The following NPC1L1 variants were observed in gnomAD, a reference collection of about 807,000 sequenced individuals.
NPC1L1 encodes NPC1 like intracellular cholesterol transporter 1.
NPC1L1 carries 98 observed loss-of-function variants against 117.0 expected under a neutral mutation model. The ratio of observed to expected loss-of-function variants is 0.84; its 90% CI spans 0.71 to 0.99. NPC1L1 has a LOEUF of 0.99. Ranked by LOEUF, NPC1L1 falls within the 50% of genes least tolerant of loss-of-function variation. The pLI, the probability that NPC1L1 is intolerant of heterozygous loss-of-function variation, is 0.00. For missense variants in NPC1L1, 1,540 were observed against 1,710.0 expected, an observed-to-expected ratio of 0.90 and a Z score of 1.75; for synonymous variants, 729 against 727.6, an observed-to-expected ratio of 1.00 and a Z score of -0.03.
intron 14 of NPC1L1, among the ~76,000 whole-genome samples, chr7:44,518,378 C>G (rs909520805): frequency 6.6e-6 from 1 of 151,798 alleles, no homozygotes. Flanking sequence ...CCATGTTGGC[C>G]AGGCTGGTCT....
At chr7:44,533,957 G>A in intron 6 of NPC1L1, 104 bp from the exon 7 acceptor site, 3 of 887,864 alleles carry the variant, frequency 3.4e-6, no homozygotes, top group Non-Finnish European at 5.5e-6. Flanking sequence ...CCAGGCCTGA[G>A]GAGCTGCTCT....
intron 10 of NPC1L1, among the ~76,000 whole-genome samples, chr7:44,527,817 T>C (rs774528344): frequency 7.9e-5 from 12 of 152,208 alleles, no homozygotes; most frequent in South Asian, 4.1e-4. Context: ...TTTGGATACA[T>C]AATGCATAAA....
chr7:44,536,128 C>A lies in NPC1L1; in HGVS notation c.1854+128G>T. 1.9e-6 allele frequency: 3 copies of A among 1,541,164 alleles called. No individual in the cohort carries two copies. The highest frequency in any genetic ancestry group is 1.4e-5 in the African/African-American group (1 of 73,660). On this transcript the variant is annotated intron_variant, in intron 4 of 18. Coordinates refer to ENST00000381160, the MANE Select transcript of NPC1L1 (RefSeq NM_001101648.2). The surrounding 1 kb of genome is among the most constrained non-coding windows in gnomAD (Gnocchi z 4.7). ...GCTATAAGAACAGCCATCACAATCA[C>A]CCCGTTCTGAGCAGGCAGCCACTGC... is the stretch of plus-strand genomic sequence containing the variant.
Position 44,538,681 on chromosome 7 carries a change from C to T in NPC1L1, c.1580+136G>A. ...GGGCAGAGATAATCATCTGGGCGGC[C>T]CCAGGCCAGAGCCGTAGGAATAGCT... On this transcript the variant is annotated intron_variant, in intron 2 of 18. Coordinates refer to ENST00000381160, the MANE Select transcript of NPC1L1 (RefSeq NM_001101648.2). This position sits in a 1 kb window ranked among gnomAD's most constrained non-coding sequence, Gnocchi z 5.9. 1 of 891,640 alleles carries T rather than the reference C, an allele frequency of 1.1e-6. No individual in the cohort carries two copies. The highest frequency in any genetic ancestry group is 1.8e-6 in the Non-Finnish European group (1 of 547,598). 55.2% of individuals were successfully genotyped at this position (891,640 alleles called of 1,614,324 possible).
rs1365364417 is a variant in NPC1L1 at position 44,532,202 on chromosome 7, C to T, written c.2425G>A (p.Val809Ile). 4.3e-6 allele frequency: 7 copies of T among 1,613,696 alleles called. No homozygotes were observed. The highest frequency in any genetic ancestry group is 4.5e-5 in the East Asian group (2 of 44,888). Residue 809 changes from valine to isoleucine, a missense_variant, in exon 9 of 19, where the codon GTC becomes ATC. Transcript: ENST00000381160. ...TCCTGGGGCTTGACACAGCAGCAGA[C>T]GTCCAACCGGGAGGCCTGGAGTGGG... Reference protein sequence around the residue: ...SKRQEASRLDVCCCVKPQELP... With the variant: ...SKRQEASRLDICCCVKPQELP...
At chr7:44,541,136 G>T (rs1802090315) in intron 1 of NPC1L1, 70 bp downstream of exon 1, 1 of 1,503,680 alleles carries the variant, frequency 6.7e-7, no homozygotes, top group Admixed American at 2.0e-5. Context: ...ACGCTCGCCT[G>T]GTACACGGCT....
intron 10 of NPC1L1, among the ~76,000 whole-genome samples, chr7:44,528,364 C>A (rs1463300792): frequency 1.3e-5 from 2 of 152,172 alleles, no homozygotes; most frequent in African/African-American, 4.8e-5. Context: ...CTCCACCTCT[C>A]AAAGCATTGG....
At position 44,539,492 on chromosome 7, in the gene NPC1L1, A is replaced by G. The variant is rs1192129921; in HGVS notation, c.905T>C (p.Leu302Pro). The G allele has an allele frequency of 6.2e-7, 1 of 1,613,676 alleles. No homozygotes were observed. The highest frequency in any genetic ancestry group is 1.3e-5 in the African/African-American group (1 of 74,918). ...GGCGGGGGCCACACGGAATCCCACA[A>G]GCAGGATGGTGACCACAGCGAAGAC... ...CSVFAVVTIL[L>P]VGFRVAPARD... Residue 302 changes from leucine to proline, a missense_variant, in exon 2 of 19, where the codon CTT becomes CCT. Leu to Pro is a moderately conservative substitution (Grantham distance 98). Around this residue, in one of 3 missense-constraint regions of NPC1L1, gnomAD observed 793 missense variants for 820.4 expected, o/e 0.97. Transcript: ENST00000381160. This position sits in a 1 kb window ranked among gnomAD's most constrained non-coding sequence, Gnocchi z 4.4.
At chr7:44,514,561 G>A (rs569973569) in intron 18 of NPC1L1, among the ~76,000 whole-genome samples, 6 of 152,180 alleles carry the variant, frequency 3.9e-5, no homozygotes, top group East Asian at 1.9e-4. Flanking sequence ...CCAGCTACTC[G>A]AGAGGCTGAG....
chr7:44,540,494 G>A (rs1021039667), intron 1 of NPC1L1, 152 bp from the exon 2 acceptor site: 5 of 732,730 alleles, frequency 6.8e-6, no homozygotes, highest in African/African-American at 3.5e-5. Context: ...CTGGAGGCAT[G>A]TGCCAGCCAG....
At chr7:44,518,367 A>G (rs1398865664) in intron 14 of NPC1L1, among the ~76,000 whole-genome samples, 1 of 151,514 alleles carries the variant, frequency 6.6e-6, no homozygotes, top group East Asian at 2.0e-4. Flanking sequence ...ACAGGGTTTC[A>G]CCATGTTGGC....
intron 10 of NPC1L1, among the ~76,000 whole-genome samples, chr7:44,527,022 C>G (rs1801538360): frequency 6.6e-6 from 1 of 151,292 alleles, no homozygotes; most frequent in Admixed American, 6.6e-5. Context: ...GAAACTCCAT[C>G]TCAAAATAAA....
intron 10 of NPC1L1, among the ~76,000 whole-genome samples, chr7:44,527,461 CAAAAAAAAAA>C (rs1160435212): frequency 0.047 from 1,906 of 40,182 alleles, 80 homozygotes; most frequent in African/African-American, 0.15. Context: ...AACAACTTCT[CAAAAAAAAAA>C]AAAAAAAAAA....
rs750811960 is a variant in NPC1L1, at chr7:44,518,662, T to C, written c.3137-1305A>G. The C allele has an allele frequency of 2.7e-4, 317 of 1,168,038 alleles. 1 individual carries two copies. Among genetic ancestry groups the C allele is most frequent in the Middle Eastern group, 1.7e-3 (7 of 4,010 alleles). The allele number at this position is 1,168,038 out of a possible 1,614,324, so 72.4% of individuals were successfully genotyped here. On this transcript the variant is annotated intron_variant, in intron 14 of 18. Transcript: ENST00000381160. ...CCAGCCTGGGTGACAGAATGGCAAC[T>C]GTGTCTCAAAAAAAAAAAAAAAGTT...
chr7:44,530,725 G>A (rs1299242901), intron 10 of NPC1L1, among the ~76,000 whole-genome samples: 4 of 152,128 alleles, frequency 2.6e-5, no homozygotes, highest in Non-Finnish European at 5.9e-5. Flanking sequence ...CTTCACCTCA[G>A]CCCTGTGACA....
rs981142386 is a variant in NPC1L1, at chr7:44,512,927, G to A, written c.*520C>T. ...GGCAGACCTGCAGGTGCGCCCTGGA[G>A]GGAGTGGCTGCCGACCGGCCTCCCA... On this transcript the variant is annotated 3_prime_UTR_variant, in exon 19 of 19. Coordinates refer to ENST00000381160, the MANE Select transcript of NPC1L1 (RefSeq NM_001101648.2). 3 of 201,890 alleles carry A rather than the reference G, an allele frequency of 1.5e-5. No homozygotes were observed. The Admixed American group carries it at 1.6e-4, about 11-fold the overall frequency. The allele number at this position is 201,890 out of a possible 1,614,324, so 12.5% of individuals were successfully genotyped here.
At chr7:44,530,033 C>CAA (rs112517128) in intron 10 of NPC1L1, among the ~76,000 whole-genome samples, 4 of 125,354 alleles carry the variant, frequency 3.2e-5, no homozygotes, top group African/African-American at 1.2e-4. Flanking sequence ...GACTCCATCT[C>CAA]AAAAAAAAAA....
Position 44,520,824 on chromosome 7 carries a change from C to T in NPC1L1, c.3081-4G>A, listed in dbSNP as rs554510064. On this transcript the variant is annotated splice_region_variant and splice_polypyrimidine_tract_variant and intron_variant, in intron 13 of 18. Coordinates refer to ENST00000381160, the MANE Select transcript of NPC1L1 (RefSeq NM_001101648.2). The stretch of plus-strand genomic sequence containing the variant: ...GGTGCTGTATGCTGCCAGGCCGCTG[C>T]AAGAAGGTCAGGGCAAAGGCTTAGC... The T allele has an allele frequency of 5.0e-6, 8 of 1,614,098 alleles. No homozygotes were observed. The African/African-American group carries it at 6.7e-5, about 13-fold the overall frequency.
intron 7 of NPC1L1, 75 bp from the exon 8 acceptor site, chr7:44,533,633 G>A (rs1801770838): frequency 6.8e-6 from 11 of 1,611,962 alleles, no homozygotes; most frequent in South Asian, 1.1e-5. Flanking sequence ...ACAGGGTGCA[G>A]GGGGAAGGGA....
Sources: gnomAD v4.1 joint callset for allele counts (sites outside exome capture counted in the v4.1 genomes callset) on GRCh38, gnomAD v4.1.1 for gene constraint, gnomAD v4.1.1 regional missense constraint, Gnocchi (gnomAD v3.1) non-coding constraint, MANE v1.5 for transcripts, NCBI Gene and HGNC (gene_info 2026-07-23, HGNC 2026-07-21) for gene names.